DMXL1: variants seen among roughly 807,000 people sequenced by gnomAD.
DMXL1 encodes Dmx like 1, also known as dmX-like protein 1.
In DMXL1, 99 loss-of-function variants were observed where a neutral mutation model predicts 319.2. That is an observed-to-expected ratio of 0.31 (90% confidence interval 0.26 to 0.37). The LOEUF is 0.37. Ranked by LOEUF, DMXL1 falls within the 10% of genes least tolerant of loss-of-function variation. The probability of loss-of-function intolerance (pLI) is 1.00; values close to 1 mark genes in which losing one functional copy is unlikely to be tolerated. For missense variants in DMXL1, 3,745 were observed against 3,595.6 expected (o/e 1.04, Z -1.06); for synonymous variants, 1,385 against 1,235.2 (o/e 1.12, Z -2.54).
intron 42 of DMXL1, among the ~76,000 whole-genome samples, chr5:119,241,538 A>T (rs1332710475): frequency 6.6e-6 from 1 of 151,354 alleles, no homozygotes; most frequent in Non-Finnish European, 1.5e-5. Context: ...CCGTCTCAAA[A>T]AAAAAAAAAA....
chr5:119,166,198 C>T (rs576398150), intron 21 of DMXL1, among the ~76,000 whole-genome samples: 63 of 152,240 alleles, frequency 4.1e-4, no homozygotes, highest in African/African-American at 1.4e-3. Context: ...GATAACAAAT[C>T]GGTTTTCTAA....
At chr5:119,236,390 T>C (rs180896193) in intron 39 of DMXL1, 50 of 152,132 alleles carry the variant, frequency 3.3e-4, no homozygotes, top group African/African-American at 1.1e-3. Context: ...TATATGTATA[T>C]ATAGGAATGT....
intron 27 of DMXL1, 40 bp downstream of exon 27, chr5:119,177,524 A>G (rs755405942): frequency 9.1e-6 from 14 of 1,530,780 alleles, no homozygotes; most frequent in Admixed American, 2.1e-5. Context: ...TCTTAGTCTT[A>G]TTTATAATCT....
intron 34 of DMXL1, among the ~76,000 whole-genome samples, chr5:119,211,825 G>A (rs1782852406): frequency 6.6e-6 from 1 of 152,070 alleles, no homozygotes; most frequent in Non-Finnish European, 1.5e-5. Flanking sequence ...TTTTTCCATG[G>A]ATCTGCTGTA....
chr5:119,186,403 A>G (rs1278825995), intron 28 of DMXL1, among the ~76,000 whole-genome samples: 1 of 152,072 alleles, frequency 6.6e-6, no homozygotes, highest in East Asian at 1.9e-4. Flanking sequence ...GACTACAGGC[A>G]TGTGCCACCA....
chr5:119,138,577 G>T (rs1242138664), intron 13 of DMXL1, among the ~76,000 whole-genome samples: 4 of 152,180 alleles, frequency 2.6e-5, no homozygotes, highest in African/African-American at 9.7e-5. Flanking sequence ...GATGGCTCAT[G>T]CCTGTAGTCC....
chr5:119,152,254 TG>T (rs1769972222), intron 19 of DMXL1, among the ~76,000 whole-genome samples: 1 of 152,210 alleles, frequency 6.6e-6, no homozygotes, highest in Admixed American at 6.5e-5. Context: ...AGAAACATAC[TG>T]GAGATGTTCT....
At chr5:119,118,032 G>T (rs1431551560) in intron 7 of DMXL1, among the ~76,000 whole-genome samples, 2 of 152,202 alleles carry the variant, frequency 1.3e-5, no homozygotes, top group African/African-American at 4.8e-5. Flanking sequence ...ATGGAAGGTA[G>T]TCCTTGCTGA....
Position 119,149,171 on chromosome 5 carries a change from A to G in DMXL1, c.3344A>G (p.Asn1115Ser), listed in dbSNP as rs1022109823. Reference protein sequence around the residue: ...VLDSGISVDSNLVAYNKQDMY... With the variant: ...VLDSGISVDSSLVAYNKQDMY... ...GATTCTGGCATTAGTGTTGATAGCAATTTAGTGGCCTATAATAAACAAGAC... is the reference window on the plus strand; with the variant it reads ...GATTCTGGCATTAGTGTTGATAGCAGTTTAGTGGCCTATAATAAACAAGAC... The change falls in exon 18 of 44, where the codon AAT becomes AGT. Residue 1115 changes from asparagine (N) to serine (S), a missense_variant. Physicochemically the swap from Asn to Ser is conservative, Grantham distance 46. Transcript: ENST00000539542. 4.3e-6 allele frequency: 7 copies of G among 1,613,860 alleles called. No individual in the cohort carries two copies. Among genetic ancestry groups the G allele is most frequent in the Non-Finnish European group, 5.9e-6 (7 of 1,179,836 alleles).
intron 13 of DMXL1, among the ~76,000 whole-genome samples, chr5:119,137,411 G>A (rs1178931653): frequency 1.3e-5 from 2 of 152,188 alleles, no homozygotes; most frequent in African/African-American, 4.8e-5. Context: ...GGTTAATGCT[G>A]TAAGGAGTTA....
intron 15 of DMXL1, among the ~76,000 whole-genome samples, chr5:119,146,268 TA>T (rs1257602557): frequency 6.6e-6 from 1 of 151,958 alleles, no homozygotes; most frequent in Non-Finnish European, 1.5e-5. Flanking sequence ...AATCTATTGT[TA>T]AAAAGGTTTT....
At chr5:119,116,123 T>C in intron 6 of DMXL1, 35 bp from the exon 7 acceptor site, 2 of 1,556,946 alleles carry the variant, frequency 1.3e-6, no homozygotes, top group East Asian at 4.5e-5. Flanking sequence ...AATTCTGATC[T>C]CCATGATTTT....
intron 30 of DMXL1, among the ~76,000 whole-genome samples, chr5:119,194,212 T>A (rs1220791614): frequency 6.6e-6 from 1 of 152,196 alleles, no homozygotes. Context: ...TAACAATAAT[T>A]TATCACATAC....
chr5:119,071,666 G>T lies in DMXL1; in HGVS notation c.87+10G>T. ...CGACCAGCGCTTCACGGTGAGTGAG[G>T]GAGGCCCTCGCGTCGCCCGTGGCCC... is the stretch of plus-strand genomic sequence containing the variant. On this transcript the variant is annotated intron_variant, in intron 1 of 43. Transcript: ENST00000539542. 6.3e-7 allele frequency: 1 copy of T among 1,576,750 alleles called. No homozygotes were observed.
At chr5:119,103,102 AAAAG>A (rs1053430194) in intron 3 of DMXL1, among the ~76,000 whole-genome samples, 5 of 151,814 alleles carry the variant, frequency 3.3e-5, no homozygotes, top group Admixed American at 6.6e-5. Context: ...TTTTTAAAAA[AAAAG>A]AAAGAGCAGT....
At position 119,225,683 on chromosome 5, in the gene DMXL1, C is replaced by T. The variant is rs879708962; in HGVS notation, c.8338+914C>T. Among the ~76,000 whole-genome samples, 11 of 152,086 alleles carry T rather than the reference C, an allele frequency of 7.2e-5. No individual in the cohort carries two copies. The South Asian group carries it at 1.0e-3, about 14-fold the overall frequency. ...AATAATCTATTATCAAAGTTGTGTACGCTGTACGAAACAAGGCTCAAGAGA... is the reference window on the plus strand; with the variant it reads ...AATAATCTATTATCAAAGTTGTGTATGCTGTACGAAACAAGGCTCAAGAGA... On this transcript the variant is annotated intron_variant, in intron 38 of 43. Transcript: ENST00000539542.
chr5:119,218,820 A>G (rs1213232245), intron 35 of DMXL1, among the ~76,000 whole-genome samples: 2 of 152,168 alleles, frequency 1.3e-5, no homozygotes, highest in Non-Finnish European at 2.9e-5. Flanking sequence ...TCTTGCTTTA[A>G]GTTGCATTTT....
chr5:119,145,346 T>G (rs551734275), intron 15 of DMXL1, among the ~76,000 whole-genome samples: 4 of 151,934 alleles, frequency 2.6e-5, no homozygotes, highest in African/African-American at 9.6e-5. Flanking sequence ...GAAGTACTCC[T>G]TAGAGTTCTG....
intron 1 of DMXL1, among the ~76,000 whole-genome samples, chr5:119,095,037 T>G (rs1330239884): frequency 6.6e-6 from 1 of 152,100 alleles, no homozygotes; most frequent in Non-Finnish European, 1.5e-5. Context: ...TTGTGTTTTC[T>G]GTAGAGCTGG....
Sources: allele counts gnomAD v4.1 joint callset (sites outside exome capture counted in the v4.1 genomes callset), GRCh38; gene constraint gnomAD v4.1.1; transcripts MANE v1.5; gene names NCBI Gene and HGNC (gene_info 2026-07-23, HGNC 2026-07-21).